SPATA31D1: variants seen among roughly 807,000 people sequenced by gnomAD.
SPATA31D1 encodes SPATA31 subfamily D member 1.
A neutral mutation model predicts 13.2 loss-of-function variants in SPATA31D1; 6 were observed. That is an observed-to-expected ratio of 0.46 (90% confidence interval 0.25 to 0.90). SPATA31D1 has a LOEUF of 0.90. SPATA31D1 is among the 40% of genes least tolerant of loss of function. SPATA31D1 has a pLI of 0.18. For synonymous variants in SPATA31D1, 903 were observed against 718.8 expected (o/e 1.26, Z -4.10); for missense variants, 2,445 against 1,884.7 (o/e 1.30, Z -5.50).
In SPATA31D1 at chr9:81,992,131, C is replaced by T. The variant is rs369028710; in HGVS notation, c.1661C>T (p.Ser554Phe). Reference protein sequence around the residue: ...SPVLPPPQPLSLPSTQPLPLP... With the variant: ...SPVLPPPQPLFLPSTQPLPLP... ...GTACTTCCCCCTCCCCAACCTCTGT[C>T]CTTGCCTAGTACCCAACCACTACCC... The change falls in exon 4 of 4, where the codon TCC becomes TTC. Residue 554 changes from serine to phenylalanine, a missense_variant. Ser to Phe is a radical substitution (Grantham distance 155). Transcript: ENST00000344803. 32 of 1,613,608 alleles carry T rather than the reference C, an allele frequency of 2.0e-5. No individual in the cohort carries two copies. The African/African-American group carries it at 2.5e-4, about 13-fold the overall frequency.
At position 81,994,474 on chromosome 9, in the gene SPATA31D1, A is replaced by C; in HGVS notation, c.4004A>C (p.Lys1335Thr). The change falls in exon 4 of 4, where the codon AAA (lysine) becomes ACA (threonine). Residue 1335 changes from lysine to threonine, a missense_variant. Coordinates refer to ENST00000344803, the MANE Select transcript of SPATA31D1 (RefSeq NM_001001670.3). ...ACATCAGGGGAGGTGCTTGGGAGCA[A>C]ATCTTCCCCAACCTTGAAAACACAG... ...NKTSGEVLGS[K>T]SSPTLKTQPP... 6.2e-7 allele frequency: 1 copy of C among 1,613,378 alleles called. No individual in the cohort carries two copies. Among genetic ancestry groups the C allele is most frequent in the East Asian group, 2.2e-5 (1 of 44,860 alleles).
intron 2 of SPATA31D1, 123 bp downstream of exon 2, chr9:81,989,946 C>G: frequency 8.9e-7 from 1 of 1,120,442 alleles, no homozygotes; most frequent in Non-Finnish European, 1.3e-6. Context: ...ACAGAGCCCT[C>G]AGAAGACAGG....
Position 81,993,202 on chromosome 9 carries a change from G to C in SPATA31D1, c.2732G>C (p.Arg911Pro). The C allele has an allele frequency of 6.2e-7, 1 of 1,613,930 alleles. No individual in the cohort carries two copies. The highest frequency in any genetic ancestry group is 8.5e-7 in the Non-Finnish European group (1 of 1,179,878). Residue 911 changes from arginine (R) to proline (P), a missense_variant, in exon 4 of 4, where the codon CGT becomes CCT. Arg to Pro is a moderately radical substitution (Grantham distance 103, BLOSUM62 -2). Transcript: ENST00000344803. Reference protein sequence around the residue: ...KMLEAHIKTFRMRMLWGLPLK... With the variant: ...KMLEAHIKTFPMRMLWGLPLK... ...TTGGAAGCCCATATTAAAACTTTCC[G>C]TATGAGGATGCTGTGGGGCCTTCCC...
chr9:81,991,485 T>C lies in SPATA31D1; in HGVS notation c.1015T>C (p.Ser339Pro), dbSNP rs1299719699. 13 of 1,614,042 alleles carry C rather than the reference T, an allele frequency of 8.1e-6. No homozygotes were observed. Among genetic ancestry groups the C allele is most frequent in the Non-Finnish European group, 5.9e-6 (7 of 1,179,890 alleles). Residue 339 changes from serine (S) to proline (P), a missense_variant, in exon 4 of 4, where the codon TCT becomes CCT. Physicochemically the swap from Ser to Pro is moderately conservative, Grantham distance 74. Transcript: ENST00000344803. ...AGGTGGCTCTGGTGGGTCATCCACC[T>C]CTGCCCCAACAATCAAAGGCATTGA... Reference protein sequence around the residue: ...SLGGSGGSSTSAPTIKGIDHS... With the variant: ...SLGGSGGSSTPAPTIKGIDHS...
chr9:81,993,387 A>G lies in SPATA31D1; in HGVS notation c.2917A>G (p.Lys973Glu). The G allele has an allele frequency of 6.2e-7, 1 of 1,613,966 alleles. No individual in the cohort carries two copies. The highest frequency in any genetic ancestry group is 1.1e-5 in the South Asian group (1 of 91,072). Reference protein sequence around the residue: ...SRSRSTFQGEKLGTTSSVPIL... With the variant: ...SRSRSTFQGEELGTTSSVPIL... Reference sequence around the variant, plus strand: ...TAGTCGAAGCACTTTTCAAGGAGAAAAGTTGGGAACAACAAGCTCAGTCCC... The same window carrying G: ...TAGTCGAAGCACTTTTCAAGGAGAAGAGTTGGGAACAACAAGCTCAGTCCC... Residue 973 changes from lysine to glutamate, a missense_variant, in exon 4 of 4, where the codon AAG (lysine) becomes GAG (glutamate). Transcript: ENST00000344803.
chr9:81,989,982 G>A, intron 2 of SPATA31D1, 159 bp downstream of exon 2: 3 of 787,040 alleles, frequency 3.8e-6, no homozygotes, highest in Non-Finnish European at 6.0e-6. Flanking sequence ...TCAGACCTGA[G>A]ACACTGCTCA....
chr9:81,987,839 C>T (rs1265648165), upstream of SPATA31D1, among the ~76,000 whole-genome samples: 1 of 152,134 alleles, frequency 6.6e-6, no homozygotes, highest in Non-Finnish European at 1.5e-5. Context: ...CTCCCTGCTT[C>T]TGAGATTAAA....
chr9:81,989,682 T>A (rs1276396192), intron 1 of SPATA31D1, 96 bp from the exon 2 acceptor site: 4 of 1,293,504 alleles, frequency 3.1e-6, no homozygotes, highest in Non-Finnish European at 4.4e-6. Context: ...AATATTCTTG[T>A]ATAATGAATG....
Position 81,991,022 on chromosome 9 carries a change from A to C in SPATA31D1, c.552A>C (p.Leu184=). Residue 184 remains leucine, a synonymous_variant, in exon 4 of 4, where the codon CTA becomes CTC. Transcript: ENST00000344803. ...STPSATPPED[L]ILSPRPKASP... ...CCTCAGCAACCCCTCCAGAAGACCT[A>C]ATACTGTCCCCTCGGCCTAAGGCCT... is the stretch of plus-strand genomic sequence containing the variant. The C allele has an allele frequency of 6.2e-7, 1 of 1,613,570 alleles. No homozygotes were observed. Among genetic ancestry groups the C allele is most frequent in the Non-Finnish European group, 8.5e-7 (1 of 1,179,692 alleles).
chr9:81,989,683 ATAAT>A, intron 1 of SPATA31D1, 91 bp from the exon 2 acceptor site: 2 of 1,286,590 alleles, frequency 1.6e-6, no homozygotes, highest in South Asian at 1.3e-5. Flanking sequence ...ATATTCTTGT[ATAAT>A]GAATGAATGA....
At position 81,988,975 on chromosome 9, in the gene SPATA31D1, C is replaced by G; in HGVS notation, c.157C>G (p.Pro53Ala). ...FYVVLTLYSSPTEKNNDIQKH... is the reference protein window; with the variant it reads ...FYVVLTLYSSATEKNNDIQKH... ...CGTGGTATTGACCCTGTATTCGTCA[C>G]CCACCGAAAAAAATAATGACATCCA... Residue 53 changes from proline to alanine, a missense_variant, in exon 1 of 4, where the codon CCC (proline) becomes GCC (alanine). Transcript: ENST00000344803. 1 of 1,609,316 alleles carries G rather than the reference C, an allele frequency of 6.2e-7. No individual in the cohort carries two copies. The highest frequency in any genetic ancestry group is 1.1e-5 in the South Asian group (1 of 90,866).
rs1372322916 is a variant in SPATA31D1, at chr9:81,993,086, A to C, written c.2616A>C (p.Lys872Asn). 3.1e-6 allele frequency: 5 copies of C among 1,613,814 alleles called. No individual in the cohort carries two copies. The highest frequency in any genetic ancestry group is 4.2e-6 in the Non-Finnish European group (5 of 1,179,772). ...CTGAGAAATCCCACAGCCAAATTAAACATCGAAATCTGGTAACATTGGTGA... is the reference window on the plus strand; with the variant it reads ...CTGAGAAATCCCACAGCCAAATTAACCATCGAAATCTGGTAACATTGGTGA... Reference protein sequence around the residue: ...SLPEKSHSQIKHRNLVTLVSE... With the variant: ...SLPEKSHSQINHRNLVTLVSE... Residue 872 changes from lysine to asparagine, a missense_variant, in exon 4 of 4, where the codon AAA becomes AAC. Physicochemically the swap from Lys to Asn is moderately conservative, Grantham distance 94. Coordinates refer to ENST00000344803, the MANE Select transcript of SPATA31D1 (RefSeq NM_001001670.3).
Position 81,994,480 on chromosome 9 carries a change from C to T in SPATA31D1, c.4010C>T (p.Ser1337Phe), listed in dbSNP as rs967582350. The part of the protein sequence containing the change: ...TSGEVLGSKS[S>F]PTLKTQPPPE... ...GGGGAGGTGCTTGGGAGCAAATCTTCCCCAACCTTGAAAACACAGCCTCCT... is the reference window on the plus strand; with the variant it reads ...GGGGAGGTGCTTGGGAGCAAATCTTTCCCAACCTTGAAAACACAGCCTCCT... Residue 1337 changes from serine to phenylalanine, a missense_variant, in exon 4 of 4, where the codon TCC (serine) becomes TTC (phenylalanine). Ser to Phe is a radical substitution (Grantham distance 155). Coordinates refer to ENST00000344803, the MANE Select transcript of SPATA31D1 (RefSeq NM_001001670.3). 3.7e-6 allele frequency: 6 copies of T among 1,613,248 alleles called. No individual in the cohort carries two copies. In the Admixed American group the frequency reaches 1.0e-4, roughly 27 times the overall value.
In SPATA31D1 at chr9:81,994,779, G is replaced by A. The variant is rs1825063060; in HGVS notation, c.4309G>A (p.Gly1437Arg). 1.9e-6 allele frequency: 3 copies of A among 1,613,956 alleles called. No individual in the cohort carries two copies. The highest frequency in any genetic ancestry group is 2.5e-6 in the Non-Finnish European group (3 of 1,179,888). Residue 1437 changes from glycine (G) to arginine (R), a missense_variant, in exon 4 of 4, where the codon GGG becomes AGG. Coordinates refer to ENST00000344803, the MANE Select transcript of SPATA31D1 (RefSeq NM_001001670.3). ...CCAAGAGCCCCTTTCCTTCCCAGTGGGGCTTGGGAAAGCTCAGCACAACCC... is the reference window on the plus strand; with the variant it reads ...CCAAGAGCCCCTTTCCTTCCCAGTGAGGCTTGGGAAAGCTCAGCACAACCC... The part of the protein sequence containing the change: ...CPQEPLSFPV[G>R]LGKAQHNPEV...
intron 2 of SPATA31D1, 125 bp downstream of exon 2, chr9:81,989,948 G>C (rs980452029): frequency 1.8e-6 from 2 of 1,095,764 alleles, no homozygotes; most frequent in African/African-American, 3.2e-5. Flanking sequence ...AGAGCCCTCA[G>C]AAGACAGGCT....
chr9:81,993,556 C>T lies in SPATA31D1; in HGVS notation c.3086C>T (p.Thr1029Ile). The T allele has an allele frequency of 6.2e-7, 1 of 1,613,890 alleles. No homozygotes were observed. The highest frequency in any genetic ancestry group is 8.5e-7 in the Non-Finnish European group (1 of 1,179,856). Residue 1029 changes from threonine to isoleucine, a missense_variant, in exon 4 of 4, where the codon ACT becomes ATT. By Grantham distance (89) the Thr-to-Ile change is moderately conservative. Transcript: ENST00000344803. ...DGASTSLRRG[T>I]TDFQSEKLDS... ...GCCTCCACATCCCTTAGAAGAGGTA[C>T]TACAGATTTTCAAAGCGAAAAATTA...
In SPATA31D1 at chr9:81,993,355, A is replaced by G. The variant is rs751965365; in HGVS notation, c.2885A>G (p.Lys962Arg). Reference protein sequence around the residue: ...SQGDSKDGVSKSRSRSTFQGE... With the variant: ...SQGDSKDGVSRSRSRSTFQGE... ...GGAGATTCCAAAGATGGGGTCTCTAAGTCCCGTAGTCGAAGCACTTTTCAA... is the reference window on the plus strand; with the variant it reads ...GGAGATTCCAAAGATGGGGTCTCTAGGTCCCGTAGTCGAAGCACTTTTCAA... The change falls in exon 4 of 4, where the codon AAG becomes AGG. Residue 962 changes from lysine (K) to arginine (R), a missense_variant. Coordinates refer to ENST00000344803, the MANE Select transcript of SPATA31D1 (RefSeq NM_001001670.3). 3.7e-6 allele frequency: 6 copies of G among 1,613,814 alleles called. No homozygotes were observed. The highest frequency in any genetic ancestry group is 5.1e-6 in the Non-Finnish European group (6 of 1,179,890).
At position 81,991,043 on chromosome 9, in the gene SPATA31D1, G is replaced by A; in HGVS notation, c.573G>A (p.Lys191=). 6.2e-7 allele frequency: 1 copy of A among 1,613,618 alleles called. No individual in the cohort carries two copies. The highest frequency in any genetic ancestry group is 8.5e-7 in the Non-Finnish European group (1 of 1,179,690). The change falls in exon 4 of 4, where the codon AAG becomes AAA. Residue 191 remains lysine (K), a synonymous_variant. Transcript: ENST00000344803. The stretch of plus-strand genomic sequence containing the variant: ...ACCTAATACTGTCCCCTCGGCCTAA[G>A]GCCTCTCCACCACCCCCCTTAATTC... ...PEDLILSPRP[K]ASPPPPLILS...
In SPATA31D1 at chr9:81,990,425, G is replaced by A; in HGVS notation, c.241G>A (p.Asp81Asn). The change falls in exon 3 of 4, where the codon GAC becomes AAC. Residue 81 changes from aspartate (D) to asparagine (N), a missense_variant. Asp to Asn is a conservative substitution (Grantham distance 23). Coordinates refer to ENST00000344803, the MANE Select transcript of SPATA31D1 (RefSeq NM_001001670.3). ...TATAACATACTATTCAGGTTTCCCA[G>A]ACTGGAAAAGTTTCCAGAGAGAAGA... Reference protein sequence around the residue: ...RKGGTFKGFPDWKSFQREEEE... With the variant: ...RKGGTFKGFPNWKSFQREEEE... The A allele has an allele frequency of 6.2e-7, 1 of 1,606,120 alleles. No individual in the cohort carries two copies. Among genetic ancestry groups the A allele is most frequent in the Non-Finnish European group, 8.5e-7 (1 of 1,176,002 alleles).
Sources: gnomAD v4.1 joint callset for allele counts (sites outside exome capture counted in the v4.1 genomes callset) on GRCh38, gnomAD v4.1.1 for gene constraint, MANE v1.5 for transcripts, NCBI Gene and HGNC (gene_info 2026-07-23, HGNC 2026-07-21) for gene names.